FRAS1: variants seen among roughly 807,000 people sequenced by gnomAD.
FRAS1 encodes Fraser extracellular matrix complex subunit 1.
A neutral mutation model predicts 435.2 loss-of-function variants in FRAS1; 290 were observed. The ratio of observed to expected loss-of-function variants is 0.67; its 90% CI spans 0.61 to 0.73. The LOEUF is 0.73. Ranked by LOEUF, FRAS1 falls within the 30% of genes least tolerant of loss-of-function variation. The pLI, the probability that FRAS1 is intolerant of heterozygous loss-of-function variation, is 0.00. For missense variants in FRAS1, 4,860 were observed against 5,001.5 expected, an observed-to-expected ratio of 0.97 and a Z score of 0.85; for synonymous variants, 1,800 against 1,851.0, an observed-to-expected ratio of 0.97 and a Z score of 0.71.
chr4:78,304,698 G>A (rs1292495220), intron 14 of FRAS1, among the ~76,000 whole-genome samples: 2 of 152,032 alleles, frequency 1.3e-5, no homozygotes, highest in East Asian at 3.9e-4. Context: ...ATTTCTGTGG[G>A]ATAGGTGGTG....
chr4:78,287,960 C>G (rs1256747716), intron 14 of FRAS1, among the ~76,000 whole-genome samples: 1 of 152,158 alleles, frequency 6.6e-6, no homozygotes, highest in Non-Finnish European at 1.5e-5. Flanking sequence ...ACAGAAATAT[C>G]ACCTGCATGT....
chr4:78,513,207 A>G (rs984110469), intron 64 of FRAS1, among the ~76,000 whole-genome samples, 185 bp from the exon 65 acceptor site: 1 of 152,186 alleles, frequency 6.6e-6, no homozygotes, highest in Non-Finnish European at 1.5e-5. Flanking sequence ...TCTTAGAGGG[A>G]AGCAATGATA....
intron 70 of FRAS1, among the ~76,000 whole-genome samples, chr4:78,531,958 C>A (rs1196616974): frequency 6.6e-6 from 1 of 152,166 alleles, no homozygotes; most frequent in East Asian, 1.9e-4. Context: ...ATTTTCACTG[C>A]CCACCTGGCA....
Position 78,074,560 on chromosome 4 carries a change from C to T in FRAS1, c.108+8544C>T, listed in dbSNP as rs574784511. On this transcript the variant is annotated intron_variant, in intron 2 of 73. Coordinates refer to ENST00000512123, the MANE Select transcript of FRAS1 (RefSeq NM_025074.7). ...TTAGTTGGAACCCAGGAACACCCTG[C>T]TTAGCCAGTAGTCCCTTTTTCCCTT... Among the ~76,000 whole-genome samples the T allele has an allele frequency of 1.8e-4, 28 of 152,242 alleles. 1 individual carries two copies. Among genetic ancestry groups the T allele is most frequent in the Middle Eastern group, 3.4e-3 (1 of 294 alleles).
chr4:78,464,459 A>C lies in FRAS1; in HGVS notation c.6905A>C (p.His2302Pro). 6.2e-7 allele frequency: 1 copy of C among 1,614,008 alleles called. No individual in the cohort carries two copies. The highest frequency in any genetic ancestry group is 8.5e-7 in the Non-Finnish European group (1 of 1,179,870). ...DGVSEVTQTF[H>P]ITLHPVDDSL... ...CCATTCTAGGTGACTCAGACTTTCC[A>C]TATCACTCTTCACCCTGTCGATGAT... The change falls in exon 49 of 74, where the codon CAT becomes CCT. Residue 2302 changes from histidine to proline, a missense_variant. Transcript: ENST00000512123.
At chr4:78,317,046 C>T (rs1729288842) in intron 16 of FRAS1, among the ~76,000 whole-genome samples, 1 of 152,224 alleles carries the variant, frequency 6.6e-6, no homozygotes, top group Non-Finnish European at 1.5e-5. Context: ...AGACCTCAGT[C>T]TCCTCATCTA....
Position 78,318,955 on chromosome 4 carries a change from T to C in FRAS1, c.2106T>C (p.His702=). The C allele has an allele frequency of 6.2e-7, 1 of 1,613,730 alleles. No individual in the cohort carries two copies. The highest frequency in any genetic ancestry group is 8.5e-7 in the Non-Finnish European group (1 of 1,179,810). The change falls in exon 18 of 74, where the codon CAT becomes CAC. Residue 702 remains histidine (H), a synonymous_variant. Transcript: ENST00000512123. The part of the protein sequence containing the change: ...SGECLAQCRA[H]FYLESTGICE... ...AGTGTCTAGCCCAGTGTAGAGCCCA[T>C]TTTTACTTGGAGAGCACTGGCATAT...
Position 78,282,843 on chromosome 4 carries a change from C to T in FRAS1, c.1131C>T (p.Gly377=). Reference sequence around the variant, plus strand: ...AGGAGGGAGAGAAGTGGGAAGATGGCCCTTGCAAGGTGTGTGAGTGCCGAG... The same window carrying T: ...AGGAGGGAGAGAAGTGGGAAGATGGTCCTTGCAAGGTGTGTGAGTGCCGAG... ...RIPEGEKWED[G]PCKVCECRGA... The change falls in exon 12 of 74, where the codon GGC becomes GGT. Residue 377 remains glycine (G), a synonymous_variant. Transcript: ENST00000512123. 1 of 1,613,264 alleles carries T rather than the reference C, an allele frequency of 6.2e-7. No individual in the cohort carries two copies. The highest frequency in any genetic ancestry group is 8.5e-7 in the Non-Finnish European group (1 of 1,179,714).
intron 2 of FRAS1, among the ~76,000 whole-genome samples, chr4:78,194,374 C>G (rs1474723361): frequency 6.6e-6 from 1 of 152,218 alleles, no homozygotes; most frequent in African/African-American, 2.4e-5. Context: ...TGTTTTACAA[C>G]TTGGTTCCAT....
At chr4:78,241,865 A>T (rs1324586767) in intron 3 of FRAS1, among the ~76,000 whole-genome samples, 1 of 152,172 alleles carries the variant, frequency 6.6e-6, no homozygotes, top group African/African-American at 2.4e-5. Context: ...TGGGCATTGA[A>T]GTTGTCTAGA....
chr4:78,124,616 G>C (rs1202059436), intron 2 of FRAS1, among the ~76,000 whole-genome samples: 1 of 151,884 alleles, frequency 6.6e-6, no homozygotes, highest in Non-Finnish European at 1.5e-5. Flanking sequence ...ACTTTTTTTT[G>C]GTTGGTAGGC....
At chr4:78,313,603 C>G (rs1464915112) in intron 15 of FRAS1, among the ~76,000 whole-genome samples, 1 of 152,206 alleles carries the variant, frequency 6.6e-6, no homozygotes, top group African/African-American at 2.4e-5. Context: ...CCTCCTTCCA[C>G]CCTTCATAAG....
chr4:78,468,081 G>A (rs917991728), intron 50 of FRAS1, among the ~76,000 whole-genome samples: 7 of 152,106 alleles, frequency 4.6e-5, no homozygotes, highest in Middle Eastern at 3.2e-3. Flanking sequence ...AACTTGATGT[G>A]ATCCCATTTG....
intron 14 of FRAS1, among the ~76,000 whole-genome samples, chr4:78,286,919 AG>A (rs1727634600): frequency 6.6e-6 from 1 of 152,216 alleles, no homozygotes; most frequent in Admixed American, 6.5e-5. Flanking sequence ...AGAGATTATA[AG>A]TTTAAAAAGT....
intron 28 of FRAS1, among the ~76,000 whole-genome samples, chr4:78,384,714 C>T (rs1370924560): frequency 1.3e-5 from 2 of 149,562 alleles, no homozygotes; most frequent in African/African-American, 4.9e-5. Context: ...GGCAACATGG[C>T]GAAACCCCGT....
rs757271651 is a variant in FRAS1, at chr4:78,387,836, G to T, written c.3975+135G>T. 433 of 577,568 alleles carry T rather than the reference G, an allele frequency of 7.5e-4. 1 individual carries two copies. Among genetic ancestry groups the T allele is most frequent in the Non-Finnish European group, 1.1e-3 (380 of 353,446 alleles). 35.8% of individuals were successfully genotyped at this position (577,568 alleles called of 1,614,324 possible). A position where few individuals can be genotyped will look rare whatever the true frequency, so the allele number is the denominator to read the frequency against. On this transcript the variant is annotated intron_variant, in intron 29 of 73. Transcript: ENST00000512123. ...ATTCAAATATAACCTATTATATAGA[G>T]GGCACTATATATCTAGTTAGGAGCA...
chr4:78,502,378 G>T (rs1720712659), intron 61 of FRAS1, among the ~76,000 whole-genome samples: 1 of 152,086 alleles, frequency 6.6e-6, no homozygotes, highest in Non-Finnish European at 1.5e-5. Context: ...ATTTGTTTGT[G>T]TCCTCCTTTA....
At chr4:78,297,112 G>A (rs1264029061) in intron 14 of FRAS1, among the ~76,000 whole-genome samples, 3 of 152,208 alleles carry the variant, frequency 2.0e-5, no homozygotes, top group African/African-American at 7.2e-5. Flanking sequence ...AAAGCTGGCA[G>A]TTGCCACAAA....
At chr4:78,268,436 A>G (rs925420688) in intron 9 of FRAS1, among the ~76,000 whole-genome samples, 1 of 151,994 alleles carries the variant, frequency 6.6e-6, no homozygotes, top group Non-Finnish European at 1.5e-5. Flanking sequence ...CTTTTCATTT[A>G]TTTTCTTTAT....
Sources: gnomAD v4.1 joint callset for allele counts (sites outside exome capture counted in the v4.1 genomes callset) on GRCh38, gnomAD v4.1.1 for gene constraint, MANE v1.5 for transcripts, NCBI Gene and HGNC (gene_info 2026-07-23, HGNC 2026-07-21) for gene names.